SCFD2: variants seen among roughly 807,000 people sequenced by gnomAD.
SCFD2 encodes sec1 family domain-containing protein 2.
Under a neutral mutation model 58.9 loss-of-function variants are expected in SCFD2, and 54 were observed. The observed-to-expected ratio is 0.92, with a 90% CI of 0.74 to 1.15. The LOEUF (loss-of-function observed/expected upper bound fraction) is 1.15, where lower values mean the gene tolerates loss of function less well. Among genes scored for constraint, SCFD2 ranks in the 50% most tolerant of loss-of-function variants. The pLI, the probability that SCFD2 is intolerant of heterozygous loss-of-function variation, is 0.00. For synonymous variants in SCFD2, 321 were observed against 335.9 expected (o/e 0.96, Z 0.49); for missense variants, 805 against 836.6 (o/e 0.96, Z 0.47).
At chr4:53,357,359 G>T (rs1734430327) in intron 1 of SCFD2, among the ~76,000 whole-genome samples, 1 of 152,016 alleles carries the variant, frequency 6.6e-6, no homozygotes. Context: ...AATCCAAGAG[G>T]CGGAGGTTTC....
At chr4:52,882,689 C>A (rs771010441) in intron 8 of SCFD2, among the ~76,000 whole-genome samples, 1 of 152,226 alleles carries the variant, frequency 6.6e-6, no homozygotes, top group Non-Finnish European at 1.5e-5. Context: ...CATTGAACTG[C>A]AAGTTCTTCA....
chr4:53,216,884 T>C (rs1688882072), intron 4 of SCFD2, among the ~76,000 whole-genome samples: 3 of 152,242 alleles, frequency 2.0e-5, no homozygotes. Context: ...TCTTTATTTC[T>C]GCCTTCATTT....
At chr4:53,318,978 C>T (rs1732945074) in intron 2 of SCFD2, among the ~76,000 whole-genome samples, 1 of 152,164 alleles carries the variant, frequency 6.6e-6, no homozygotes, top group Non-Finnish European at 1.5e-5. Context: ...CTTTAAAAGG[C>T]AAAATCACAA....
intron 5 of SCFD2, among the ~76,000 whole-genome samples, chr4:53,060,681 T>C (rs1217587830): frequency 3.9e-5 from 6 of 151,970 alleles, no homozygotes; most frequent in Non-Finnish European, 7.4e-5. Context: ...TCTGGAAAAA[T>C]AGAGAACAAT....
At chr4:53,133,593 G>C (rs1390662732) in intron 5 of SCFD2, among the ~76,000 whole-genome samples, 1 of 152,168 alleles carries the variant, frequency 6.6e-6, no homozygotes, top group Non-Finnish European at 1.5e-5. Context: ...CCAAAGAAGA[G>C]AGATAACATA....
At chr4:53,120,633 C>T (rs1015565572) in intron 5 of SCFD2, among the ~76,000 whole-genome samples, 2 of 152,174 alleles carry the variant, frequency 1.3e-5, no homozygotes, top group African/African-American at 4.8e-5. Context: ...ACAGTCCACA[C>T]TGGGAGAAAT....
chr4:53,136,688 T>G (rs1487243839), intron 5 of SCFD2, among the ~76,000 whole-genome samples: 6 of 152,212 alleles, frequency 3.9e-5, no homozygotes, highest in Non-Finnish European at 7.3e-5. Flanking sequence ...GCTACATTTA[T>G]TAGACATGCA....
At chr4:52,874,218 C>G (rs2109435162) in intron 8 of SCFD2, among the ~76,000 whole-genome samples, 157 bp from the exon 9 acceptor site, 1 of 152,274 alleles carries the variant, frequency 6.6e-6, no homozygotes, top group South Asian at 2.1e-4. Flanking sequence ...TGAATGGCAC[C>G]TGGCGCTAGT....
intron 4 of SCFD2, among the ~76,000 whole-genome samples, chr4:53,179,527 T>G (rs1011378598): frequency 6.6e-6 from 1 of 152,146 alleles, no homozygotes; most frequent in Non-Finnish European, 1.5e-5. Flanking sequence ...GAACAACCAG[T>G]ACCAGCCACT....
chr4:53,077,683 C>T (rs1391608897), intron 5 of SCFD2, among the ~76,000 whole-genome samples: 2 of 152,092 alleles, frequency 1.3e-5, no homozygotes, highest in African/African-American at 4.8e-5. Context: ...GGTGATCCAC[C>T]CGTCTTGGCC....
intron 2 of SCFD2, 93 bp downstream of exon 2, chr4:53,352,505 T>G: frequency 9.5e-7 from 1 of 1,053,868 alleles, no homozygotes; most frequent in Non-Finnish European, 1.3e-6. Flanking sequence ...AGACCAATTC[T>G]TCATTGCTTT....
chr4:53,021,017 G>T (rs371497003), intron 5 of SCFD2, among the ~76,000 whole-genome samples: 24 of 152,326 alleles, frequency 1.6e-4, no homozygotes, highest in African/African-American at 5.1e-4. Flanking sequence ...CATCATCGAA[G>T]TGGTAGATAT....
At chr4:53,263,987 G>A (rs935910590) in intron 4 of SCFD2, among the ~76,000 whole-genome samples, 1 of 152,130 alleles carries the variant, frequency 6.6e-6, no homozygotes, top group South Asian at 2.1e-4. Flanking sequence ...TGTGGGAGAT[G>A]GTGGTATAGT....
intron 1 of SCFD2, among the ~76,000 whole-genome samples, chr4:53,358,401 A>G (rs1381978288): frequency 6.6e-6 from 1 of 152,084 alleles, no homozygotes; most frequent in Non-Finnish European, 1.5e-5. Flanking sequence ...TACAAAAATT[A>G]GCTGGGCGTG....
intron 3 of SCFD2, among the ~76,000 whole-genome samples, chr4:53,293,892 C>A (rs990136883): frequency 1.3e-5 from 2 of 151,824 alleles, no homozygotes; most frequent in Non-Finnish European, 2.9e-5. Flanking sequence ...CCTCCCACCC[C>A]CTGACAGGCC....
intron 2 of SCFD2, among the ~76,000 whole-genome samples, chr4:53,317,124 T>A (rs1469585322): frequency 1.3e-5 from 2 of 149,980 alleles, no homozygotes; most frequent in South Asian, 2.1e-4. Context: ...AAAAAAAAAA[T>A]TCTGAATGTC....
chr4:53,105,872 AC>A (rs1396468459), intron 5 of SCFD2, among the ~76,000 whole-genome samples: 1 of 140,396 alleles, frequency 7.1e-6, no homozygotes, highest in Admixed American at 7.1e-5. Flanking sequence ...TGGGTCCCTG[AC>A]CCCCCCACCC....
At chr4:53,241,612 C>T (rs1188537360) in intron 4 of SCFD2, among the ~76,000 whole-genome samples, 1 of 152,222 alleles carries the variant, frequency 6.6e-6, no homozygotes, top group Non-Finnish European at 1.5e-5. Context: ...CCATGTACCA[C>T]TTTGCTGGCA....
intron 5 of SCFD2, among the ~76,000 whole-genome samples, chr4:52,962,673 A>G (rs365621): frequency 0.56 from 83,969 of 151,248 alleles, 23,474 homozygotes; most frequent in South Asian, 0.67. Context: ...AATAGTTTAG[A>G]GGGGGGCAGC....
Sources: allele counts gnomAD v4.1 joint callset (sites outside exome capture counted in the v4.1 genomes callset), GRCh38; gene constraint gnomAD v4.1.1; transcripts MANE v1.5; gene names NCBI Gene and HGNC (gene_info 2026-07-23, HGNC 2026-07-21).